The following RTL5 variants were observed in gnomAD, a reference collection of about 807,000 sequenced individuals.
RTL5 encodes retrotransposon Gag like 5.
In RTL5, 8 loss-of-function variants were observed where a neutral mutation model predicts 7.7. The ratio of observed to expected loss-of-function variants is 1.04; its 90% CI spans 0.61 to 1.88. The LOEUF is 1.88. Among genes scored for constraint, RTL5 ranks in the 40% most tolerant of loss-of-function variants. The probability of loss-of-function intolerance (pLI) is 0.00; values close to 1 mark genes in which losing one functional copy is unlikely to be tolerated. For synonymous variants in RTL5, 188 were observed against 191.8 expected (o/e 0.98, Z 0.16); for missense variants, 457 against 472.7 (o/e 0.97, Z 0.31).
chrX:72,131,599 G>C (rs953539445), exon 1 of RTL5: 1 of 1,084,185 alleles, frequency 9.2e-7, no homozygotes, highest in Admixed American at 3.2e-5. Flanking sequence ...TGGAACTACG[G>C]GCGGCCGGAG....
At chrX:72,129,901 G>A (rs2147507096) in exon 1 of RTL5, 3 of 1,208,388 alleles carry the variant, frequency 2.5e-6, no homozygotes, top group East Asian at 3.0e-5. Context: ...AAGCACAGGG[G>A]GGCGTCTTCG....
Position 72,129,779 on chromosome X carries a change from G to A in RTL5, c.*52C>T, listed in dbSNP as rs977978077. ...GGCAGGTATGGCAGCAATAGCAGGG[G>A]CGGGGGATGCAAAAGAAGGGTGTGT... On this transcript the variant is annotated 3_prime_UTR_variant, in exon 1 of 1. Transcript: ENST00000609883. 16 of 1,106,117 alleles carry A rather than the reference G, an allele frequency of 1.4e-5. No individual in the cohort carries two copies. The Admixed American group carries it at 4.3e-4, about 29-fold the overall frequency. 91.2% of individuals were successfully genotyped at this position (1,106,117 alleles called of 1,213,427 possible). A position where few individuals can be genotyped will look rare whatever the true frequency, so the allele number is the denominator to read the frequency against.
chrX:72,131,303 G>T, exon 1 of RTL5: 6 of 1,199,889 alleles, frequency 5.0e-6, no homozygotes, highest in Non-Finnish European at 6.7e-6. Flanking sequence ...TCTCCCCCGG[G>T]AATGACTTCG....
At chrX:72,128,770 A>G (rs2042252251) in exon 1 of RTL5, 1 of 112,923 alleles carries the variant, frequency 8.9e-6, no homozygotes, top group Admixed American at 9.3e-5. Flanking sequence ...CCCAGAAGGA[A>G]TGGCCAATCA....
At chrX:72,131,850 CCGGG>C (rs1182989464), upstream of RTL5, 67 of 256,864 alleles carry the variant, frequency 2.6e-4, no homozygotes, top group South Asian at 5.7e-4. Flanking sequence ...GACCGCGCGA[CCGGG>C]CGGGCGGGCG....
exon 1 of RTL5, chrX:72,130,838 G>A (rs1389578223): frequency 8.3e-7 from 1 of 1,211,834 alleles, no homozygotes; most frequent in Non-Finnish European, 1.1e-6. Context: ...TTAGCCACAC[G>A]TGGGGGGATG....
chrX:72,131,330 A>G (rs1212154678), exon 1 of RTL5: 1 of 1,201,683 alleles, frequency 8.3e-7, no homozygotes, highest in South Asian at 1.8e-5. Flanking sequence ...CTGAGCGCGA[A>G]CTCCAAGTTC....
At chrX:72,130,494 GTCTTCATCTTCACTGTAGTAC>G in exon 1 of RTL5, 1 of 1,210,822 alleles carries the variant, frequency 8.3e-7, no homozygotes, top group Non-Finnish European at 1.1e-6. Context: ...GTGCCTCTTG[GTCTTCATCTTCACTGTAGTAC>G]TCTTCATCTT....
chrX:72,130,655 C>T (rs373245146), exon 1 of RTL5: 42 of 1,210,050 alleles, frequency 3.5e-5, no homozygotes, highest in Non-Finnish European at 4.0e-5. Flanking sequence ...TCATCCAGGT[C>T]GGCCATTTCT....
At chrX:72,129,755 G>A (rs2042264810) in exon 1 of RTL5, 2 of 980,627 alleles carry the variant, frequency 2.0e-6, no homozygotes, top group Admixed American at 5.9e-5. Context: ...AGCAAATGGG[G>A]CAGGTATGGC....
exon 1 of RTL5, chrX:72,130,201 G>A: frequency 8.3e-7 from 1 of 1,210,197 alleles, no homozygotes. Context: ...CTCACCATAG[G>A]TCTCCTCAGT....
exon 1 of RTL5, chrX:72,131,497 T>G: frequency 8.3e-7 from 1 of 1,201,199 alleles, no homozygotes; most frequent in Non-Finnish European, 1.1e-6. Flanking sequence ...CAGGGCCACA[T>G]TCGCCATGCG....
exon 1 of RTL5, chrX:72,130,582 G>A: frequency 8.3e-7 from 1 of 1,211,772 alleles, no homozygotes; most frequent in Non-Finnish European, 1.1e-6. Flanking sequence ...TCGAACTCCA[G>A]GGAGCGGGAT....
Position 72,130,037 on chromosome X carries a change from G to A in RTL5, c.1504C>T (p.Gln502Ter), listed in dbSNP as rs771005184. 1.7e-6 allele frequency: 2 copies of A among 1,209,537 alleles called. No homozygotes were observed. Among genetic ancestry groups the A allele is most frequent in the African/African-American group, 1.8e-5 (1 of 57,083 alleles). The change falls in exon 1 of 1, where the codon CAG becomes TAG. Residue 502 changes from glutamine to a stop codon, truncating the protein, a stop_gained. Transcript: ENST00000609883. LOFTEE classifies it high-confidence loss of function. ...TTCTGGTTCCTCCGTCTGCTAGGCT[G>A]TATTATGGGAGGTGATGCACCCAGG...
exon 1 of RTL5, chrX:72,130,064 A>G: frequency 8.3e-7 from 1 of 1,211,031 alleles, no homozygotes; most frequent in Non-Finnish European, 1.1e-6. Flanking sequence ...GCACCCAGGA[A>G]GTTTTCGGCG....
chrX:72,127,668 TC>T (rs770442243), downstream of RTL5: 1 of 112,490 alleles, frequency 8.9e-6, no homozygotes, highest in South Asian at 3.7e-4. Flanking sequence ...GAATAGCAGG[TC>T]CCCTTCTGGA....
At chrX:72,130,222 T>C (rs1266454480) in exon 1 of RTL5, 1 of 1,207,948 alleles carries the variant, frequency 8.3e-7, no homozygotes, top group East Asian at 3.0e-5. Context: ...CCCTGGATCC[T>C]GCTGTGGCTC....
chrX:72,128,804 TAGA>T (rs1476311781), exon 1 of RTL5: 1 of 113,035 alleles, frequency 8.8e-6, no homozygotes, highest in Non-Finnish European at 1.9e-5. Flanking sequence ...ACTCCAAGGA[TAGA>T]AAGTGTCCTG....
rs1362749755 is a variant in RTL5 at position 72,131,393 on chromosome X, C to A, written c.148G>T (p.Val50Phe). Residue 50 changes from valine to phenylalanine, a missense_variant, in exon 1 of 1, where the codon GTC becomes TTC. Transcript: ENST00000609883. Reference sequence around the variant, plus strand: ...ACTGGCCAGCGGATGTAGCTGGAGACATTGCCCCGCAAGGAATTAACCTCG... The same window carrying A: ...ACTGGCCAGCGGATGTAGCTGGAGAAATTGCCCCGCAAGGAATTAACCTCG... The A allele has an allele frequency of 8.3e-7, 1 of 1,211,162 alleles. No individual in the cohort carries two copies. Among genetic ancestry groups the A allele is most frequent in the Non-Finnish European group, 1.1e-6 (1 of 895,225 alleles).
Sources: allele counts gnomAD v4.1 joint callset, GRCh38; gene constraint gnomAD v4.1.1; transcripts MANE v1.5; gene names NCBI Gene and HGNC (gene_info 2026-07-23, HGNC 2026-07-21).